DMD: variants seen among roughly 807,000 people sequenced by gnomAD.
DMD encodes mutant dystrophin.
A neutral mutation model predicts 330.1 loss-of-function variants in DMD; 63 were observed. The ratio of observed to expected loss-of-function variants is 0.19; its 90% CI spans 0.16 to 0.24. The LOEUF (loss-of-function observed/expected upper bound fraction) is 0.24. DMD is among the 10% of genes least tolerant of loss of function. The probability of loss-of-function intolerance (pLI) is 1.00; values close to 1 mark genes in which losing one functional copy is unlikely to be tolerated. For missense variants in DMD, 3,344 were observed against 2,684.1 expected (o/e 1.25, Z -5.43); for synonymous variants, 1,223 against 959.8 (o/e 1.27, Z -5.07).
At chrX:31,173,498 A>G in intron 72 of DMD, 41 bp downstream of exon 72, 1 of 1,167,883 alleles carries the variant, frequency 8.6e-7, no homozygotes, top group Non-Finnish European at 1.2e-6. Flanking sequence ...TTGGTTAGTT[A>G]TTTCAATCAA....
intron 18 of DMD, among the ~76,000 whole-genome samples, chrX:32,515,151 T>G (rs1045458196): frequency 9.0e-6 from 1 of 111,302 alleles, no homozygotes; most frequent in Non-Finnish European, 1.9e-5. Context: ...TTTCCACGTA[T>G]GAGTAGAATA....
chrX:33,138,656 C>A (rs1443062770), intron 1 of DMD, among the ~76,000 whole-genome samples: 1 of 110,555 alleles, frequency 9.0e-6, no homozygotes, highest in South Asian at 3.8e-4. Flanking sequence ...TTTTTATTTT[C>A]TTTTTGCCTT....
chrX:32,734,235 A>C (rs1176273860), intron 7 of DMD, among the ~76,000 whole-genome samples: 3 of 105,202 alleles, frequency 2.9e-5, no homozygotes, highest in Non-Finnish European at 3.8e-5. Context: ...ATCTCTGAAT[A>C]GACCAATAAC....
At chrX:32,824,642 A>G (rs1351831905) in intron 4 of DMD, among the ~76,000 whole-genome samples, 1 of 111,604 alleles carries the variant, frequency 9.0e-6, no homozygotes, top group Non-Finnish European at 1.9e-5. Flanking sequence ...AAAGGGCAAT[A>G]TGAGGGACCC....
At chrX:32,772,214 C>T (rs756082759) in intron 7 of DMD, among the ~76,000 whole-genome samples, 1 of 112,419 alleles carries the variant, frequency 8.9e-6, no homozygotes, top group South Asian at 3.7e-4. Flanking sequence ...TTTTGAATGC[C>T]GTTATTAATT....
At chrX:32,632,444 G>A (rs1467064299) in intron 11 of DMD, among the ~76,000 whole-genome samples, 2 of 112,289 alleles carry the variant, frequency 1.8e-5, no homozygotes, top group Non-Finnish European at 3.8e-5. Context: ...GGTCCACTAG[G>A]CAATGCCCCA....
intron 67 of DMD, among the ~76,000 whole-genome samples, chrX:31,185,856 G>A (rs2041724977): frequency 9.0e-6 from 1 of 110,854 alleles, no homozygotes; most frequent in Admixed American, 9.6e-5. Flanking sequence ...GAATAAAAGT[G>A]CTTTCTCCAG....
rs865811577 is a variant in DMD, at chrX:32,866,714, C to T, written c.94-16894G>A. ...GTCAACCTTAATATATACATACACA[C>T]ACTTTTTTTTGGGGGGGGGTGGGGG... On this transcript the variant is annotated intron_variant, in intron 2 of 78. Transcript: ENST00000357033. Among the ~76,000 whole-genome samples, 204 of 56,353 alleles carry T rather than the reference C, an allele frequency of 3.6e-3. 1 individual carries two copies. The highest frequency in any genetic ancestry group is 0.022 in the South Asian group (18 of 807). The allele number at this position is 56,353 out of a possible 115,157, so 48.9% of individuals were successfully genotyped here.
At chrX:32,868,972 G>A (rs1394369935) in intron 2 of DMD, among the ~76,000 whole-genome samples, 2 of 111,453 alleles carry the variant, frequency 1.8e-5, no homozygotes, top group East Asian at 2.9e-4. Context: ...AACAGCAGTC[G>A]CTAGACACCT....
chrX:31,363,518 C>T (rs1310087403), intron 60 of DMD, among the ~76,000 whole-genome samples: 1 of 108,470 alleles, frequency 9.2e-6, no homozygotes, highest in Non-Finnish European at 1.9e-5. Context: ...GTAGCTGGGA[C>T]TACAGGCATG....
intron 41 of DMD, among the ~76,000 whole-genome samples, chrX:32,324,381 G>A (rs2097639417): frequency 9.0e-6 from 1 of 110,719 alleles, no homozygotes; most frequent in Non-Finnish European, 1.9e-5. Flanking sequence ...TGCGTTAATG[G>A]TGATTTAGAA....
intron 13 of DMD, among the ~76,000 whole-genome samples, chrX:32,586,009 A>AT (rs2054254377): frequency 9.0e-6 from 1 of 111,139 alleles, no homozygotes; most frequent in Non-Finnish European, 1.9e-5. Flanking sequence ...CTTACAGCAC[A>AT]TTGGCTTTGG....
chrX:31,315,945 T>C lies in DMD; in HGVS notation c.9224+7653A>G, dbSNP rs1450129453. Among the ~76,000 whole-genome samples, 7 of 112,253 alleles carry C rather than the reference T, an allele frequency of 6.2e-5. No homozygotes were observed. In the East Asian group the frequency reaches 1.9e-3, roughly 31 times the overall value. On this transcript the variant is annotated intron_variant, in intron 62 of 78. Coordinates refer to ENST00000357033, the MANE Select transcript of DMD (RefSeq NM_004006.3). ...CACTAGAAAACCAGAAGAAGCCTCA[T>C]GAATGATATTTAGGAAAAACAGACT... is the stretch of plus-strand genomic sequence containing the variant.
intron 1 of DMD, among the ~76,000 whole-genome samples, chrX:33,066,233 C>A (rs1361568284): frequency 3.7e-5 from 4 of 108,223 alleles, no homozygotes; most frequent in African/African-American, 1.3e-4. Flanking sequence ...GGGCAGATCA[C>A]TTGAGGTCAG....
chrX:32,621,035 G>C (rs1469889986), intron 11 of DMD, among the ~76,000 whole-genome samples: 1 of 111,271 alleles, frequency 9.0e-6, no homozygotes, highest in Non-Finnish European at 1.9e-5. Flanking sequence ...AGTTTATATG[G>C]ATGGCGGGTG....
chrX:32,308,668 A>C lies in DMD; in HGVS notation c.6117+1414T>G, dbSNP rs1255062342. Among the ~76,000 whole-genome samples the C allele has an allele frequency of 2.7e-5, 3 of 110,996 alleles. No homozygotes were observed. The Admixed American group carries it at 2.9e-4, about 11-fold the overall frequency. ...TACGATTGACATCAGCTATAATAAT[A>C]TTAAATAGATCAGGATGAACAAATG... On this transcript the variant is annotated intron_variant, in intron 42 of 78. Coordinates refer to ENST00000357033, the MANE Select transcript of DMD (RefSeq NM_004006.3).
chrX:31,600,926 T>C (rs772698434), intron 55 of DMD, among the ~76,000 whole-genome samples: 112 of 109,758 alleles, frequency 1.0e-3, no homozygotes, highest in African/African-American at 3.6e-3. Context: ...TCTTGTGAGA[T>C]TTCCCTACAC....
chrX:32,132,777 A>G (rs1343457918), intron 44 of DMD, among the ~76,000 whole-genome samples: 1 of 110,507 alleles, frequency 9.0e-6, no homozygotes, highest in Non-Finnish European at 1.9e-5. Flanking sequence ...TTCACATTAT[A>G]CCACTGAATT....
intron 6 of DMD, among the ~76,000 whole-genome samples, chrX:32,815,259 T>G (rs113976612): frequency 0.011 from 1,159 of 105,826 alleles, 15 homozygotes; most frequent in African/African-American, 0.037. Flanking sequence ...TTAATATTCT[T>G]AGCTTTTCTA....
Sources: allele counts gnomAD v4.1 joint callset (sites outside exome capture counted in the v4.1 genomes callset), GRCh38; gene constraint gnomAD v4.1.1; transcripts MANE v1.5; gene names NCBI Gene and HGNC (gene_info 2026-07-23, HGNC 2026-07-21).